The following RCC1L variants were observed in gnomAD, a reference collection of about 807,000 sequenced individuals.
The protein encoded by RCC1L is RCC1 like, also known as RCC1-like G exchanging factor-like protein.
Under a neutral mutation model 58.6 loss-of-function variants are expected in RCC1L, and 46 were observed. That is an observed-to-expected ratio of 0.79 (90% CI 0.62 to 1.00). The LOEUF (loss-of-function observed/expected upper bound fraction) is 1.00, where lower values mean the gene tolerates loss of function less well. RCC1L is among the 50% of genes least tolerant of loss of function. The pLI is 0.00. For synonymous variants in RCC1L, 281 were observed against 262.9 expected, an observed-to-expected ratio of 1.07 and a Z score of -0.67; for missense variants, 636 against 623.6, an observed-to-expected ratio of 1.02 and a Z score of -0.21.
At chr7:75,044,599 G>GAAAAAA in intron 10 of RCC1L, among the ~76,000 whole-genome samples, 1 of 40,658 alleles carries the variant, frequency 2.5e-5, no homozygotes, top group Non-Finnish European at 4.1e-5. Context: ...ACTCTGTCTC[G>GAAAAAA]AAAAAAAAAA....
At position 75,073,623 on chromosome 7, in the gene RCC1L, C is replaced by T; in HGVS notation, c.115G>A (p.Ala39Thr). The stretch of plus-strand genomic sequence containing the variant: ...ACGGGCACCTCCGCCTCGGCTTCTG[C>T]CGCTTCGCGCCGGCTCCGGGAGCGC... ...AGRSRSRREAAEAEAEVPVVQ... is the reference protein window; with the variant it reads ...AGRSRSRREATEAEAEVPVVQ... The change falls in exon 1 of 11, where the codon GCA becomes ACA. Residue 39 changes from alanine (A) to threonine (T), a missense_variant. Coordinates refer to ENST00000610322, the MANE Select transcript of RCC1L (RefSeq NM_030798.5). 1 of 1,501,246 alleles carries T rather than the reference C, an allele frequency of 6.7e-7. No individual in the cohort carries two copies. The highest frequency in any genetic ancestry group is 8.8e-7 in the Non-Finnish European group (1 of 1,135,172). 93.0% of individuals were successfully genotyped at this position (1,501,246 alleles called of 1,614,324 possible). A position where few individuals can be genotyped will look rare whatever the true frequency, so the allele number is the denominator to read the frequency against.
At chr7:75,030,471 C>G (rs1363345898) in intron 10 of RCC1L, among the ~76,000 whole-genome samples, 2 of 152,154 alleles carry the variant, frequency 1.3e-5, no homozygotes, top group Non-Finnish European at 1.5e-5. Flanking sequence ...CAGAACTACT[C>G]TGGAGGGGGG....
At chr7:75,031,973 C>T (rs945072345) in intron 10 of RCC1L, among the ~76,000 whole-genome samples, 2 of 152,224 alleles carry the variant, frequency 1.3e-5, no homozygotes, top group Non-Finnish European at 2.9e-5. Context: ...CGCCCAGCTT[C>T]CCCCAGAGCA....
At chr7:75,028,413 GC>G (rs1363904156) in intron 10 of RCC1L, among the ~76,000 whole-genome samples, 2 of 152,072 alleles carry the variant, frequency 1.3e-5, no homozygotes, top group Admixed American at 6.6e-5. Context: ...GAGCCACCGT[GC>G]CCGGCCTCAT....
chr7:75,030,106 GA>G (rs1805258923), intron 10 of RCC1L, among the ~76,000 whole-genome samples: 1 of 152,278 alleles, frequency 6.6e-6, no homozygotes, highest in South Asian at 2.1e-4. Flanking sequence ...TGGTGGCCGA[GA>G]GAGCTTGTGG....
At chr7:75,054,603 A>G (rs1286213925) in intron 9 of RCC1L, among the ~76,000 whole-genome samples, 1 of 152,186 alleles carries the variant, frequency 6.6e-6, no homozygotes, top group East Asian at 1.9e-4. Flanking sequence ...TTATCAAATC[A>G]AAATAGCTTT....
chr7:75,064,504 G>T, intron 4 of RCC1L, 78 bp downstream of exon 4: 1 of 1,557,328 alleles, frequency 6.4e-7, no homozygotes, highest in Non-Finnish European at 8.9e-7. Flanking sequence ...CGCCCCGCGG[G>T]TTTACCACAG....
intron 2 of RCC1L, among the ~76,000 whole-genome samples, chr7:75,070,087 T>C (rs951752734): frequency 2.0e-5 from 3 of 152,142 alleles, no homozygotes; most frequent in African/African-American, 7.2e-5. Flanking sequence ...AAAAAGGTCA[T>C]CTCTTTTAGG....
intron 10 of RCC1L, among the ~76,000 whole-genome samples, chr7:75,046,777 A>G (rs1046887291): frequency 2.0e-5 from 3 of 152,240 alleles, no homozygotes; most frequent in Admixed American, 6.5e-5. Context: ...TCTCAGCAGA[A>G]TCCATTTAGG....
intron 9 of RCC1L, among the ~76,000 whole-genome samples, chr7:75,055,027 T>C (rs4728649): frequency 0.23 from 35,529 of 152,124 alleles, 5,713 homozygotes; most frequent in African/African-American, 0.46. Flanking sequence ...AGGGTGAGCA[T>C]CTGGGACAGG....
chr7:75,039,310 CT>C (rs1805493990), downstream of RCC1L, among the ~76,000 whole-genome samples: 2 of 152,272 alleles, frequency 1.3e-5, no homozygotes, highest in Non-Finnish European at 2.9e-5. Context: ...ATGCAACCTG[CT>C]GGGCCGTGCC....
chr7:75,040,396 G>C (rs978953715), downstream of RCC1L, among the ~76,000 whole-genome samples: 7 of 152,162 alleles, frequency 4.6e-5, no homozygotes, highest in Admixed American at 6.5e-5. Flanking sequence ...GGAGGCGGAG[G>C]TTGCAGTGAG....
chr7:75,073,382 GAAGGA>G, intron 1 of RCC1L, 27 bp downstream of exon 1: 1 of 969,548 alleles, frequency 1.0e-6, no homozygotes, highest in African/African-American at 1.9e-5. Context: ...GGAAGAGAGA[GAAGGA>G]GAGAAGGAGG....
At chr7:75,072,482 C>T (rs1374661684) in intron 1 of RCC1L, among the ~76,000 whole-genome samples, 1 of 151,912 alleles carries the variant, frequency 6.6e-6, no homozygotes, top group Non-Finnish European at 1.5e-5. Context: ...TTCACTGACA[C>T]TACACCGTTA....
intron 5 of RCC1L, among the ~76,000 whole-genome samples, chr7:75,062,635 T>C (rs1345414186): frequency 1.3e-5 from 2 of 152,202 alleles, no homozygotes; most frequent in African/African-American, 4.8e-5. Flanking sequence ...TGGCTCATGG[T>C]AGGTACCTAT....
chr7:75,072,587 T>G (rs1806804957), intron 1 of RCC1L, among the ~76,000 whole-genome samples: 2 of 152,150 alleles, frequency 1.3e-5, no homozygotes, highest in Admixed American at 1.3e-4. Context: ...TTGGGTGTTT[T>G]AACTACACTC....
Position 75,073,493 on chromosome 7 carries a change from G to C in RCC1L, c.245C>G (p.Ser82Cys). The C allele has an allele frequency of 1.4e-6, 2 of 1,400,206 alleles. No homozygotes were observed. Among genetic ancestry groups the C allele is most frequent in the Non-Finnish European group, 1.8e-6 (2 of 1,082,526 alleles). 86.7% of individuals were successfully genotyped at this position (1,400,206 alleles called of 1,614,324 possible). The change falls in exon 1 of 11, where the codon TCC becomes TGC. Residue 82 changes from serine (S) to cysteine (C), a missense_variant. Physicochemically the swap from Ser to Cys is moderately radical, Grantham distance 112. Transcript: ENST00000610322. ...GGCGCCGGCGCGGGGCCCGGGCCCG[G>C]AGCTGGGCACCACAAAGGAAGGCAC... ...LGVPSFVVPS[S>C]GPGPRAGARP...
At chr7:75,041,924 A>C (rs1359674163), downstream of RCC1L, among the ~76,000 whole-genome samples, 3 of 152,026 alleles carry the variant, frequency 2.0e-5, no homozygotes, top group Admixed American at 6.6e-5. Context: ...ACTGTCTTCT[A>C]AACTATTTTT....
chr7:75,061,234 A>G lies in RCC1L; in HGVS notation c.760T>C (p.Cys254Arg). Residue 254 changes from cysteine (C) to arginine (R), a missense_variant, in exon 6 of 11, where the codon TGT (cysteine) becomes CGT (arginine). By Grantham distance (180) the Cys-to-Arg change is radical. Transcript: ENST00000610322. ...GTTTGCCCATCAGCACCCCATCCAC[A>G]AGAATAGACTTCTCCTTTATCCGTC... ...FLTDKGEVYS[C>R]GWGADGQTGL... 6.2e-7 allele frequency: 1 copy of G among 1,613,780 alleles called. No homozygotes were observed. The highest frequency in any genetic ancestry group is 1.7e-5 in the Admixed American group (1 of 59,982).
Sources: allele counts gnomAD v4.1 joint callset (sites outside exome capture counted in the v4.1 genomes callset), GRCh38; gene constraint gnomAD v4.1.1; transcripts MANE v1.5; gene names NCBI Gene and HGNC (gene_info 2026-07-23, HGNC 2026-07-21).